Variants in GRIA1 observed in about 807,000 individuals in gnomAD.
GRIA1 encodes the protein glutamate ionotropic receptor AMPA type subunit 1, also known as glutamate receptor 1.
A neutral mutation model predicts 99.2 loss-of-function variants in GRIA1; 31 were observed. The observed-to-expected ratio is 0.31, with a 90% CI of 0.23 to 0.42. The LOEUF is 0.42. GRIA1 is among the 10% of genes least tolerant of loss of function. The pLI, the probability that GRIA1 is intolerant of heterozygous loss-of-function variation, is 1.00. For synonymous variants in GRIA1, 438 were observed against 432.4 expected (o/e 1.01, Z -0.16); for missense variants, 782 against 1,157.5 (o/e 0.68, Z 4.71).
intron 13 of GRIA1, among the ~76,000 whole-genome samples, chr5:153,779,140 T>C (rs1444445531): frequency 6.6e-6 from 1 of 152,202 alleles, no homozygotes; most frequent in Non-Finnish European, 1.5e-5. Flanking sequence ...TGCTGGGCAA[T>C]GCATTCAGTG....
chr5:153,704,720 T>C (rs1758770112), intron 10 of GRIA1, among the ~76,000 whole-genome samples: 1 of 152,202 alleles, frequency 6.6e-6, no homozygotes, highest in Non-Finnish European at 1.5e-5. Context: ...GTCCTACCCC[T>C]CTTTCAATGC....
intron 2 of GRIA1, among the ~76,000 whole-genome samples, chr5:153,498,330 TTG>T (rs1282427365): frequency 6.6e-6 from 1 of 152,210 alleles, no homozygotes. Context: ...GTTGTCTGTG[TTG>T]TGTCTTTATA....
intron 2 of GRIA1, among the ~76,000 whole-genome samples, chr5:153,501,076 T>C (rs1338684545): frequency 6.6e-6 from 1 of 152,226 alleles, no homozygotes; most frequent in Non-Finnish European, 1.5e-5. Context: ...CTAAACAAGC[T>C]AAGTGTCTAA....
intron 13 of GRIA1, among the ~76,000 whole-genome samples, chr5:153,775,756 A>T (rs562355897): frequency 6.6e-6 from 1 of 151,404 alleles, no homozygotes; most frequent in African/African-American, 2.4e-5. Flanking sequence ...AAACACTCAA[A>T]AAAAAAAAAA....
At position 153,674,660 on chromosome 5, in the gene GRIA1, A is replaced by T. The variant is rs1561754555; in HGVS notation, c.860A>T (p.Lys287Met). Residue 287 changes from lysine (K) to methionine (M), a missense_variant and splice_region_variant, in exon 6 of 16, where the codon AAG becomes ATG. Lys to Met is a moderately conservative substitution (Grantham distance 95). Around this residue, in one of 5 missense-constraint regions of GRIA1, gnomAD observed 461 missense variants for 521.7 expected, o/e 0.88. Transcript: ENST00000285900. The stretch of plus-strand genomic sequence containing the variant: ...ACACGGGTGGACTGGAAGAGACCCA[A>T]GGTGAGTGGATGGGCAGCCAGCAGC... ...DHTRVDWKRP[K>M]YTSALTYDGV... 9 of 1,613,742 alleles carry T rather than the reference A, an allele frequency of 5.6e-6. No homozygotes were observed. Among genetic ancestry groups the T allele is most frequent in the African/African-American group, 1.3e-5 (1 of 75,040 alleles).
chr5:153,738,030 G>A (rs1761511702), intron 11 of GRIA1, among the ~76,000 whole-genome samples: 7 of 152,190 alleles, frequency 4.6e-5, no homozygotes, highest in Admixed American at 4.6e-4. Flanking sequence ...TGCTAAACTG[G>A]GGCTGAGGGA....
rs994309072 is a variant in GRIA1, at chr5:153,561,140, A to G, written c.220+67075A>G. ...TTTAGTAAACGTGGGGAAGGGATCA[A>G]GAGTCCACATCAGATCCTGGCCCTG... On this transcript the variant is annotated intron_variant, in intron 2 of 15. Coordinates refer to ENST00000285900, the MANE Select transcript of GRIA1 (RefSeq NM_000827.4). 3.3e-5 allele frequency among the ~76,000 whole-genome samples: 5 copies of G among 152,300 alleles called. 1 individual carries two copies. The highest frequency in any genetic ancestry group is 1.3e-4 in the Admixed American group (2 of 15,286).
At chr5:153,793,029 C>A (rs764771677) in intron 13 of GRIA1, among the ~76,000 whole-genome samples, 1 of 152,080 alleles carries the variant, frequency 6.6e-6, no homozygotes, top group Non-Finnish European at 1.5e-5. Context: ...AGCTGCCCAG[C>A]GACTGACAAG....
intron 11 of GRIA1, among the ~76,000 whole-genome samples, chr5:153,728,227 T>G (rs1760720375): frequency 6.6e-6 from 1 of 152,128 alleles, no homozygotes; most frequent in Non-Finnish European, 1.5e-5. Flanking sequence ...TATACAAAAA[T>G]TAATTCAAGA....
chr5:153,626,777 C>T (rs1030454157), intron 2 of GRIA1, among the ~76,000 whole-genome samples: 3 of 151,926 alleles, frequency 2.0e-5, no homozygotes, highest in African/African-American at 7.3e-5. Context: ...TGGTGCCCAG[C>T]GACTATAGGG....
intron 3 of GRIA1, among the ~76,000 whole-genome samples, chr5:153,647,515 T>C (rs1754242244): frequency 6.6e-6 from 1 of 152,202 alleles, no homozygotes; most frequent in Admixed American, 6.5e-5. Context: ...GGACAAACTC[T>C]CTCTGCCTCA....
At chr5:153,744,075 T>A (rs1175183889) in intron 11 of GRIA1, among the ~76,000 whole-genome samples, 3 of 152,160 alleles carry the variant, frequency 2.0e-5, no homozygotes, top group African/African-American at 7.2e-5. Flanking sequence ...GGTTCCTTGG[T>A]GCCTCTTTCA....
chr5:153,687,549 T>C (rs545651973), intron 8 of GRIA1, among the ~76,000 whole-genome samples: 1 of 152,336 alleles, frequency 6.6e-6, no homozygotes, highest in Admixed American at 6.5e-5. Flanking sequence ...ACTAGCCGTA[T>C]GTGGCTGTTT....
chr5:153,741,207 C>T (rs1463369453), intron 11 of GRIA1, among the ~76,000 whole-genome samples: 1 of 151,788 alleles, frequency 6.6e-6, no homozygotes, highest in Admixed American at 6.6e-5. Flanking sequence ...ATCTCCTGAC[C>T]TAGTGATCCG....
At chr5:153,751,042 G>T (rs1185923025) in intron 11 of GRIA1, among the ~76,000 whole-genome samples, 1 of 152,202 alleles carries the variant, frequency 6.6e-6, no homozygotes, top group East Asian at 1.9e-4. Flanking sequence ...AGAGGTTGCA[G>T]TGAGCCGAGA....
chr5:153,709,296 T>A (rs1462666699), intron 11 of GRIA1, among the ~76,000 whole-genome samples: 1 of 152,220 alleles, frequency 6.6e-6, no homozygotes, highest in Admixed American at 6.5e-5. Flanking sequence ...GAGCTTCAAT[T>A]AACTGATCTT....
intron 13 of GRIA1, among the ~76,000 whole-genome samples, chr5:153,771,102 T>C (rs1043528210): frequency 1.3e-5 from 2 of 152,322 alleles, no homozygotes; most frequent in East Asian, 1.9e-4. Context: ...ATTCTGACTG[T>C]CTTACAAAAG....
At chr5:153,749,601 C>G (rs994172503) in intron 11 of GRIA1, among the ~76,000 whole-genome samples, 1 of 152,060 alleles carries the variant, frequency 6.6e-6, no homozygotes, top group Non-Finnish European at 1.5e-5. Context: ...CAAGAAATCA[C>G]TCATTACCAG....
intron 11 of GRIA1, among the ~76,000 whole-genome samples, chr5:153,710,742 T>A (rs1245425198): frequency 6.6e-6 from 1 of 152,188 alleles, no homozygotes; most frequent in East Asian, 1.9e-4. Context: ...GAAGATATAT[T>A]GGTGATGGAG....
Sources: gnomAD v4.1 joint callset for allele counts (sites outside exome capture counted in the v4.1 genomes callset) on GRCh38, gnomAD v4.1.1 for gene constraint, gnomAD v4.1.1 regional missense constraint, MANE v1.5 for transcripts, NCBI Gene and HGNC (gene_info 2026-07-23, HGNC 2026-07-21) for gene names.